Variants in ANKS1B observed in about 807,000 individuals in gnomAD.
ANKS1B encodes ankyrin repeat and sterile alpha motif domain containing 1B, also known as ankyrin repeat and sterile alpha motif domain-containing protein 1B.
In ANKS1B, 36 loss-of-function variants were observed where a neutral mutation model predicts 148.3. The observed-to-expected ratio is 0.24, with a 90% CI of 0.19 to 0.32. The LOEUF (loss-of-function observed/expected upper bound fraction) is 0.32. ANKS1B is among the 10% of genes least tolerant of loss of function. The pLI, the probability that ANKS1B is intolerant of heterozygous loss-of-function variation, is 1.00. For synonymous variants in ANKS1B, 542 were observed against 560.8 expected (o/e 0.97, Z 0.47); for missense variants, 1,157 against 1,542.6 (o/e 0.75, Z 4.19).
At chr12:98,914,617 C>T (rs1451341973) in intron 17 of ANKS1B, among the ~76,000 whole-genome samples, 1 of 152,078 alleles carries the variant, frequency 6.6e-6, no homozygotes, top group Non-Finnish European at 1.5e-5. Context: ...CCCTTATTGA[C>T]CTGCCTCCAG....
At chr12:99,269,488 G>T (rs1239622977) in intron 12 of ANKS1B, among the ~76,000 whole-genome samples, 1 of 146,688 alleles carries the variant, frequency 6.8e-6, no homozygotes, top group African/African-American at 2.6e-5. Flanking sequence ...TAATTTATTT[G>T]GGATGAAATA....
chr12:98,817,422 C>T (rs780557153), intron 19 of ANKS1B, among the ~76,000 whole-genome samples: 9 of 152,242 alleles, frequency 5.9e-5, no homozygotes, highest in African/African-American at 9.6e-5. Context: ...ACAGTTGCTT[C>T]TTCTGTGGGC....
At chr12:99,073,522 A>G (rs987097305) in intron 16 of ANKS1B, among the ~76,000 whole-genome samples, 1 of 152,218 alleles carries the variant, frequency 6.6e-6, no homozygotes, top group South Asian at 2.1e-4. Context: ...ACCTTCAAGG[A>G]TAAATAAGTG....
chr12:99,524,916 G>T (rs1004362023), intron 9 of ANKS1B, among the ~76,000 whole-genome samples: 5 of 152,116 alleles, frequency 3.3e-5, no homozygotes, highest in Non-Finnish European at 7.4e-5. Context: ...AGTCCAAGAT[G>T]AGATTTGGGT....
chr12:99,527,891 A>G (rs1236457759), intron 9 of ANKS1B, among the ~76,000 whole-genome samples: 1 of 152,132 alleles, frequency 6.6e-6, no homozygotes, highest in South Asian at 2.1e-4. Context: ...ACCAAAAAAA[A>G]AAAAATGGCC....
chr12:99,743,011 T>A (rs912375529), intron 8 of ANKS1B, among the ~76,000 whole-genome samples: 1 of 152,320 alleles, frequency 6.6e-6, no homozygotes, highest in East Asian at 1.9e-4. Flanking sequence ...GAAATCTTGA[T>A]AACAAATTAT....
chr12:99,231,840 C>T (rs2086901932), intron 14 of ANKS1B, among the ~76,000 whole-genome samples: 1 of 152,042 alleles, frequency 6.6e-6, no homozygotes, highest in African/African-American at 2.4e-5. Flanking sequence ...TGTTTGCTCT[C>T]CTCTACTTAG....
At chr12:98,783,470 C>A (rs1335382075) in intron 22 of ANKS1B, among the ~76,000 whole-genome samples, 1 of 152,146 alleles carries the variant, frequency 6.6e-6, no homozygotes, top group East Asian at 1.9e-4. Flanking sequence ...ACAATGTTGA[C>A]AAATGTGACA....
chr12:99,974,664 G>A (rs1478071182), intron 1 of ANKS1B, among the ~76,000 whole-genome samples: 3 of 152,022 alleles, frequency 2.0e-5, no homozygotes, highest in Non-Finnish European at 2.9e-5. Flanking sequence ...TTGATCCCAG[G>A]AGTTCGAGAC....
chr12:99,903,717 T>C (rs148575526), intron 1 of ANKS1B, among the ~76,000 whole-genome samples: 92 of 151,700 alleles, frequency 6.1e-4, no homozygotes, highest in Non-Finnish European at 3.5e-4. Flanking sequence ...AATGATACAA[T>C]GGACTTTGGG....
At chr12:98,941,007 T>C (rs111964769) in intron 17 of ANKS1B, among the ~76,000 whole-genome samples, 5,527 of 152,242 alleles carry the variant, frequency 0.036, 121 homozygotes, top group African/African-American at 0.059. Context: ...ATGGTAGTTA[T>C]ATTCTATAAG....
At chr12:99,142,686 A>C (rs2071370009) in intron 15 of ANKS1B, among the ~76,000 whole-genome samples, 1 of 152,154 alleles carries the variant, frequency 6.6e-6, no homozygotes, top group Non-Finnish European at 1.5e-5. Flanking sequence ...TCTTCTTTCC[A>C]CTATATTACA....
At chr12:98,799,108 G>A (rs551805005) in intron 21 of ANKS1B, 103 bp from the exon 22 acceptor site, 70 of 683,470 alleles carry the variant, frequency 1.0e-4, no homozygotes, top group Admixed American at 7.1e-4. Context: ...TTTCCTGGCT[G>A]TAAGTTGTTG....
chr12:99,949,228 G>A (rs1352447), intron 1 of ANKS1B, among the ~76,000 whole-genome samples: 46,911 of 151,984 alleles, frequency 0.31, 7,554 homozygotes, highest in Middle Eastern at 0.4. Context: ...TTGGCTAGTT[G>A]GATGGGAGTT....
chr12:99,192,496 T>A (rs2080866230), intron 14 of ANKS1B, among the ~76,000 whole-genome samples: 1 of 152,176 alleles, frequency 6.6e-6, no homozygotes, highest in Non-Finnish European at 1.5e-5. Context: ...AATACTTTAT[T>A]AAAAGTTATA....
At chr12:99,253,506 G>A (rs2074896031) in intron 12 of ANKS1B, among the ~76,000 whole-genome samples, 1 of 152,094 alleles carries the variant, frequency 6.6e-6, no homozygotes, top group African/African-American at 2.4e-5. Flanking sequence ...TCCCATACAG[G>A]AATCTCTTCC....
At chr12:99,252,881 C>T (rs1174632856) in intron 12 of ANKS1B, among the ~76,000 whole-genome samples, 1 of 152,120 alleles carries the variant, frequency 6.6e-6, no homozygotes, top group East Asian at 1.9e-4. Context: ...ATACAAATTG[C>T]ACAGGGTGAA....
At chr12:98,901,878 C>CT (rs559869908) in intron 17 of ANKS1B, among the ~76,000 whole-genome samples, 25 of 151,930 alleles carry the variant, frequency 1.6e-4, no homozygotes, top group African/African-American at 2.4e-4. Context: ...ATACTCAAGG[C>CT]TTTTTTTTGC....
chr12:99,970,035 C>T (rs1016567401), intron 1 of ANKS1B, among the ~76,000 whole-genome samples: 5 of 152,048 alleles, frequency 3.3e-5, no homozygotes, highest in African/African-American at 2.4e-5. Context: ...ATAATAAAGT[C>T]AAAAATCATC....
Sources: gnomAD v4.1 joint callset for allele counts (sites outside exome capture counted in the v4.1 genomes callset) on GRCh38, gnomAD v4.1.1 for gene constraint, MANE v1.5 for transcripts, NCBI Gene and HGNC (gene_info 2026-07-23, HGNC 2026-07-21) for gene names.